The following HIVEP3 variants were observed in gnomAD, a reference collection of about 807,000 sequenced individuals.
HIVEP3 encodes the protein HIVEP zinc finger 3, also known as transcription factor HIVEP3.
Under a neutral mutation model 152.8 loss-of-function variants are expected in HIVEP3, and 49 were observed. The ratio of observed to expected loss-of-function variants is 0.32; its 90% CI spans 0.26 to 0.41. The LOEUF (loss-of-function observed/expected upper bound fraction) is 0.41, where lower values mean the gene tolerates loss of function less well. Ranked by LOEUF, HIVEP3 falls within the 10% of genes least tolerant of loss-of-function variation. The pLI is 1.00. For missense variants in HIVEP3, 2,790 were observed against 3,103.3 expected, an observed-to-expected ratio of 0.90 and a Z score of 2.40; for synonymous variants, 1,269 against 1,289.0, an observed-to-expected ratio of 0.98 and a Z score of 0.33.
At chr1:41,651,532 G>A (rs951541191) in intron 2 of HIVEP3, among the ~76,000 whole-genome samples, 4 of 151,940 alleles carry the variant, frequency 2.6e-5, no homozygotes, top group Non-Finnish European at 5.9e-5. Flanking sequence ...ATTAGGTATC[G>A]TAAATAATCT....
chr1:41,575,649 T>C lies in HIVEP3; in HGVS notation c.5102A>G (p.Asp1701Gly), dbSNP rs766054119. The C allele has an allele frequency of 1.9e-6, 3 of 1,614,128 alleles. No individual in the cohort carries two copies. In the East Asian group the frequency reaches 6.7e-5, roughly 36 times the overall value. Residue 1701 changes from aspartate (D) to glycine (G), a missense_variant, in exon 5 of 9, where the codon GAT becomes GGT. This residue lies in a region of HIVEP3 where 1,078 missense variants were observed against 1,165.3 expected (regional missense o/e 0.93). Coordinates refer to ENST00000372583, the MANE Select transcript of HIVEP3 (RefSeq NM_024503.5). ...PSLVSPEGQK[D>G]LARVEKEEER... The stretch of plus-strand genomic sequence containing the variant: ...TTCTTCCTTCTCCACTCTAGCTAGA[T>C]CTTTCTGGCCTTCCGGGGAAACCAG...
chr1:41,672,697 T>C (rs957005518), intron 2 of HIVEP3, among the ~76,000 whole-genome samples: 45 of 152,264 alleles, frequency 3.0e-4, no homozygotes, highest in African/African-American at 9.9e-4. Flanking sequence ...TCCCACCAGG[T>C]TCCCCCAGCC....
intron 1 of HIVEP3, among the ~76,000 whole-genome samples, chr1:41,953,455 G>C (rs183277054): frequency 7.9e-5 from 12 of 152,222 alleles, no homozygotes; most frequent in African/African-American, 2.2e-4. Flanking sequence ...CTGGTTAAAG[G>C]GTAACTTAGC....
chr1:41,782,935 C>G (rs1237945156), intron 1 of HIVEP3, among the ~76,000 whole-genome samples: 1 of 152,168 alleles, frequency 6.6e-6, no homozygotes. Flanking sequence ...ACACCTCACT[C>G]CCCCCACACT....
chr1:41,965,052 C>A (rs1321365007), intron 1 of HIVEP3, among the ~76,000 whole-genome samples: 1 of 152,222 alleles, frequency 6.6e-6, no homozygotes, highest in Middle Eastern at 3.2e-3. Context: ...ATGGAGCTCC[C>A]AGGGGAAGGA....
In HIVEP3 at chr1:41,936,721, A is replaced by G. The variant is rs368392093; in HGVS notation, n.120-18197T>C. ...GGGTTCAAGGTATATCTATCAAATC[A>G]TTCTGTTATCTCAAGGTATTTGTGG... On this transcript the variant is annotated intron_variant and non_coding_transcript_variant, in intron 1 of 3. Coordinates refer to the HIVEP3 transcript ENST00000489103. Among the ~76,000 whole-genome samples the G allele has an allele frequency of 2.2e-3, 339 of 152,294 alleles. 2 individuals are homozygous for G. The highest frequency in any genetic ancestry group is 7.7e-3 in the African/African-American group (322 of 41,552).
At chr1:42,035,178 G>C (rs1011834252) in intron 1 of HIVEP3, among the ~76,000 whole-genome samples, 1 of 152,206 alleles carries the variant, frequency 6.6e-6, no homozygotes, top group Non-Finnish European at 1.5e-5. Flanking sequence ...TTAAGAAAGG[G>C]GGCAAGCGCG....
intron 1 of HIVEP3, among the ~76,000 whole-genome samples, chr1:41,859,505 T>C (rs1313308926): frequency 6.6e-6 from 1 of 152,226 alleles, no homozygotes; most frequent in Non-Finnish European, 1.5e-5. Context: ...CAGGAGAATG[T>C]AAGGGTAGGG....
At position 41,583,029 on chromosome 1, in the gene HIVEP3, T is replaced by G; in HGVS notation, c.1769A>C (p.Gln590Pro). 1 of 1,614,062 alleles carries G rather than the reference T, an allele frequency of 6.2e-7. No homozygotes were observed. Among genetic ancestry groups the G allele is most frequent in the Non-Finnish European group, 8.5e-7 (1 of 1,180,010 alleles). The change falls in exon 4 of 9, where the codon CAG becomes CCG. Residue 590 changes from glutamine (Q) to proline (P), a missense_variant. Coordinates refer to ENST00000372583, the MANE Select transcript of HIVEP3 (RefSeq NM_024503.5). The surrounding 1 kb of genome is among the most constrained non-coding windows in gnomAD (Gnocchi z 6.9). Reference sequence around the variant, plus strand: ...TCCCAAAGGTAATTCGATTGCCGGCTGGCGCTTCAGCATCCGGGGGTGGGA... The same window carrying G: ...TCCCAAAGGTAATTCGATTGCCGGCGGGCGCTTCAGCATCCGGGGGTGGGA... ...FTSHPRMLKR[Q>P]PAIELPLGGE...
At chr1:41,558,357 C>A (rs1477083809) in intron 5 of HIVEP3, among the ~76,000 whole-genome samples, 1 of 152,188 alleles carries the variant, frequency 6.6e-6, no homozygotes, top group African/African-American at 2.4e-5. Context: ...GTTAGACTAG[C>A]GTAAGCTACA....
intron 3 of HIVEP3, among the ~76,000 whole-genome samples, chr1:41,625,038 C>T (rs1645096845): frequency 6.6e-6 from 1 of 151,976 alleles, no homozygotes; most frequent in Non-Finnish European, 1.5e-5. Context: ...TGGCATGCGC[C>T]TGTAAGCCCA....
intron 2 of HIVEP3, among the ~76,000 whole-genome samples, chr1:41,661,345 T>A (rs138214286): frequency 1.3e-5 from 2 of 152,244 alleles, no homozygotes; most frequent in African/African-American, 4.8e-5. Context: ...GCACCTGTTT[T>A]GCAGCCACCA....
chr1:41,662,623 A>G lies in HIVEP3; in HGVS notation c.-720-33676T>C. On this transcript the variant is annotated intron_variant, in intron 2 of 8. Coordinates refer to ENST00000372583, the MANE Select transcript of HIVEP3 (RefSeq NM_024503.5). This position sits in a 1 kb window ranked among gnomAD's most constrained non-coding sequence, Gnocchi z 7.2. ...AGGGGAGGGTCTCCTCGCCCGGGGA[A>G]TCCCTGGCTGCCGGCGGCCGCGGGG... 6.7e-6 allele frequency among the ~76,000 whole-genome samples: 1 copy of G among 149,826 alleles called. No individual in the cohort carries two copies. The highest frequency in any genetic ancestry group is 1.5e-5 in the Non-Finnish European group (1 of 67,216).
intron 1 of HIVEP3, among the ~76,000 whole-genome samples, chr1:41,706,939 G>C (rs1646442628): frequency 6.6e-6 from 1 of 152,194 alleles, no homozygotes; most frequent in African/African-American, 2.4e-5. Flanking sequence ...GGTGATATAG[G>C]AGTTCAGTTC....
At chr1:42,025,628 C>T (rs1159744385) in intron 1 of HIVEP3, among the ~76,000 whole-genome samples, 1 of 152,228 alleles carries the variant, frequency 6.6e-6, no homozygotes, top group Non-Finnish European at 1.5e-5. Context: ...AGGTGCCCTC[C>T]TCCGGAGATT....
chr1:41,979,760 T>C (rs2124509246), intron 1 of HIVEP3, among the ~76,000 whole-genome samples: 1 of 152,334 alleles, frequency 6.6e-6, no homozygotes, highest in Non-Finnish European at 1.5e-5. Context: ...CCTCCTTCCT[T>C]GCTGCATGGT....
intron 3 of HIVEP3, among the ~76,000 whole-genome samples, chr1:41,614,834 G>A (rs763975433): frequency 5.3e-5 from 8 of 152,168 alleles, no homozygotes; most frequent in Non-Finnish European, 1.0e-4. Context: ...CTGATGATAC[G>A]CTGGCCAGTT....
At chr1:41,826,993 C>T (rs1396620706) in intron 1 of HIVEP3, among the ~76,000 whole-genome samples, 1 of 152,148 alleles carries the variant, frequency 6.6e-6, no homozygotes, top group African/African-American at 2.4e-5. Flanking sequence ...CCCATGGAGC[C>T]CACATTCATC....
chr1:41,616,569 C>CTTT (rs35360287), intron 3 of HIVEP3, among the ~76,000 whole-genome samples: 5 of 127,732 alleles, frequency 3.9e-5, no homozygotes, highest in Admixed American at 1.7e-4. Context: ...ATAGCAATTA[C>CTTT]TTTTTTTTTT....
Sources: allele counts gnomAD v4.1 joint callset (sites outside exome capture counted in the v4.1 genomes callset), GRCh38; gene constraint gnomAD v4.1.1; regional missense constraint gnomAD v4.1.1; non-coding constraint Gnocchi (gnomAD v3.1); transcripts MANE v1.5; gene names NCBI Gene and HGNC (gene_info 2026-07-23, HGNC 2026-07-21).